The following S100A14 variants were observed in gnomAD, a reference collection of about 807,000 sequenced individuals.
The protein encoded by S100A14 is S100 calcium binding protein A14, also known as protein S100-A14.
A neutral mutation model predicts 10.6 loss-of-function variants in S100A14; 6 were observed. The ratio of observed to expected loss-of-function variants is 0.57; its 90% CI spans 0.31 to 1.12. The LOEUF is 1.12. Among genes scored for constraint, S100A14 ranks in the 50% most tolerant of loss-of-function variants. The probability of loss-of-function intolerance (pLI) is 0.06; values close to 1 mark genes in which losing one functional copy is unlikely to be tolerated. For synonymous variants in S100A14, 51 were observed against 51.0 expected, an observed-to-expected ratio of 1.00 and a Z score of 0.00; for missense variants, 121 against 128.7, an observed-to-expected ratio of 0.94 and a Z score of 0.29.
chr1:153,615,752 G>C, intron 2 of S100A14, 77 bp downstream of exon 2: 1 of 1,497,140 alleles, frequency 6.7e-7, no homozygotes, highest in Non-Finnish European at 9.3e-7. Context: ...AAGGGCAGAA[G>C]TCAGTGGGGG....
chr1:153,615,269 TC>T lies in S100A14; in HGVS notation c.142del (p.Asp48ThrfsTer40). 6.2e-7 allele frequency: 1 copy of T among 1,613,826 alleles called. No individual in the cohort carries two copies. The highest frequency in any genetic ancestry group is 8.5e-7 in the Non-Finnish European group (1 of 1,179,958). On this transcript the variant is annotated frameshift_variant, in exon 3 of 4. Coordinates refer to ENST00000344616, the MANE Select transcript of S100A14 (RefSeq NM_020672.3). LOFTEE classifies it high-confidence loss of function. ...KETLTPSELR[D>X]LVTQQLPHLM... ...ATGGGGCAGCTGCTGGGTGACCAGGTCCCGTAGCTCAGAAGGGGTCAGCGTC... is the reference window on the plus strand; with the variant it reads ...ATGGGGCAGCTGCTGGGTGACCAGGTCCGTAGCTCAGAAGGGGTCAGCGTC...
intron 2 of S100A14, 135 bp from the exon 3 acceptor site, chr1:153,615,516 G>A: frequency 9.4e-7 from 1 of 1,058,966 alleles, no homozygotes; most frequent in Non-Finnish European, 1.3e-6. Context: ...CCAGAGCCCA[G>A]AATCTAGCCC....
At chr1:153,615,535 C>G (rs1045543693) in intron 2 of S100A14, among the ~76,000 whole-genome samples, 154 bp from the exon 3 acceptor site, 7 of 152,098 alleles carry the variant, frequency 4.6e-5, no homozygotes, top group African/African-American at 1.4e-4. Context: ...CCCTCTCCCC[C>G]ACCCCCTGCT....
chr1:153,615,696 T>A, intron 2 of S100A14, 133 bp downstream of exon 2: 1 of 906,360 alleles, frequency 1.1e-6, no homozygotes, highest in Non-Finnish European at 1.8e-6. Context: ...AGAAGAGGGT[T>A]CACATCTCAC....
At chr1:153,615,046 GCTCA>G in intron 3 of S100A14, 24 bp from the exon 4 acceptor site, 3 of 1,611,906 alleles carry the variant, frequency 1.9e-6, no homozygotes, top group Non-Finnish European at 2.5e-6. Flanking sequence ...AGAAACCATG[GCTCA>G]GGGATGCAGC....
chr1:153,616,040 G>C (rs1666957561), intron 1 of S100A14, 104 bp from the exon 2 acceptor site: 2 of 595,042 alleles, frequency 3.4e-6, no homozygotes, highest in Non-Finnish European at 6.0e-6. Flanking sequence ...CTCACCAGGG[G>C]TTCAAAACCA....
intron 1 of S100A14, 144 bp downstream of exon 1, chr1:153,616,151 A>T: frequency 2.9e-6 from 1 of 347,906 alleles, no homozygotes. Flanking sequence ...ACCTTAGCTT[A>T]ATTCTTTCCA....
Position 153,615,834 on chromosome 1 carries a change from C to A in S100A14, c.25G>T (p.Ala9Ser). Residue 9 changes from alanine to serine, a missense_variant, in exon 2 of 4, where the codon GCA (alanine) becomes TCA (serine). By Grantham distance (99) the Ala-to-Ser change is moderately conservative. Coordinates refer to ENST00000344616, the MANE Select transcript of S100A14 (RefSeq NM_020672.3). ...CCAGGAGTGAATGAGCCCACCTCTG[C>A]GTTGGCTGACCGACACTGTCCCATG... MGQCRSANAEDAQEFSDVE... is the reference protein window; with the variant it reads MGQCRSANSEDAQEFSDVE... The A allele has an allele frequency of 6.2e-7, 1 of 1,613,996 alleles. No individual in the cohort carries two copies. Among genetic ancestry groups the A allele is most frequent in the Admixed American group, 1.7e-5 (1 of 60,010 alleles).
Position 153,614,902 on chromosome 1 carries a change from G to A in S100A14, c.298C>T (p.Pro100Ser), listed in dbSNP as rs1200055659. 6.2e-7 allele frequency: 1 copy of A among 1,613,664 alleles called. No individual in the cohort carries two copies. Among genetic ancestry groups the A allele is most frequent in the Non-Finnish European group, 8.5e-7 (1 of 1,179,908 alleles). ...GGGAGTTCTCAGTGCCCCCGGACAG[G>A]CCTCTCCAGCTTCACACTCTTGGCC... Reference protein sequence around the residue: ...EAAKSVKLERPVRGH With the variant: ...EAAKSVKLERSVRGH The change falls in exon 4 of 4, where the codon CCT becomes TCT. Residue 100 changes from proline to serine, a missense_variant. Pro to Ser is a moderately conservative substitution (Grantham distance 74, BLOSUM62 -1). Transcript: ENST00000344616.
In S100A14 at chr1:153,615,847, A is replaced by G. The variant is rs1666952622; in HGVS notation, c.12T>C (p.Cys4=). 1 of 1,613,940 alleles carries G rather than the reference A, an allele frequency of 6.2e-7. No individual in the cohort carries two copies. The highest frequency in any genetic ancestry group is 8.5e-7 in the Non-Finnish European group (1 of 1,179,908). The change falls in exon 2 of 4, where the codon TGT becomes TGC. Residue 4 remains cysteine, a synonymous_variant. Coordinates refer to ENST00000344616, the MANE Select transcript of S100A14 (RefSeq NM_020672.3). MGQ[C]RSANAEDAQE... ...AGCCCACCTCTGCGTTGGCTGACCG[A>G]CACTGTCCCATGGTGCCCACTGTGT...
In S100A14 at chr1:153,615,951, G is replaced by T; in HGVS notation, c.-78-15C>A. 7.8e-7 allele frequency: 1 copy of T among 1,276,636 alleles called. No individual in the cohort carries two copies. The highest frequency in any genetic ancestry group is 2.4e-5 in the East Asian group (1 of 42,496). The allele number at this position is 1,276,636 out of a possible 1,614,324, so 79.1% of individuals were successfully genotyped here. ...TGGCTCATGATCTGCTTAGAGGAGG[G>T]GGTAGGCCTGAGCTGAGGAGAGAGT... is the stretch of plus-strand genomic sequence containing the variant. On this transcript the variant is annotated splice_polypyrimidine_tract_variant and intron_variant, in intron 1 of 3. Coordinates refer to ENST00000344616, the MANE Select transcript of S100A14 (RefSeq NM_020672.3).
rs1358317354 is a variant in S100A14, at chr1:153,614,601, T to TC, written c.*283dup. On this transcript the variant is annotated 3_prime_UTR_variant, in exon 4 of 4. Coordinates refer to ENST00000344616, the MANE Select transcript of S100A14 (RefSeq NM_020672.3). ...CCCATAGCCCAGCTCCTCTCTGTTC[T>TC]CCCCCTACTACCAATTCTTTGGCTC... is the stretch of plus-strand genomic sequence containing the variant. The TC allele has an allele frequency of 5.6e-6, 2 of 357,724 alleles. No individual in the cohort carries two copies. The highest frequency in any genetic ancestry group is 4.1e-5 in the African/African-American group (2 of 48,456). The allele number at this position is 357,724 out of a possible 1,614,324, so 22.2% of individuals were successfully genotyped here.
chr1:153,615,478 G>T, intron 2 of S100A14, 97 bp from the exon 3 acceptor site: 1 of 1,412,112 alleles, frequency 7.1e-7, no homozygotes, highest in Non-Finnish European at 9.6e-7. Context: ...GCAGAAGGCA[G>T]CTGGAAGGCA....
intron 2 of S100A14, 112 bp from the exon 3 acceptor site, chr1:153,615,493 G>A: frequency 8.0e-7 from 1 of 1,247,932 alleles, no homozygotes; most frequent in Non-Finnish European, 1.1e-6. Flanking sequence ...AAGGCACACA[G>A]CTCCCACCCA....
Position 153,614,936 on chromosome 1 carries a change from A to G in S100A14, c.264T>C (p.Ile88=). 2 of 1,613,928 alleles carry G rather than the reference A, an allele frequency of 1.2e-6. No individual in the cohort carries two copies. Among genetic ancestry groups the G allele is most frequent in the Non-Finnish European group, 1.7e-6 (2 of 1,179,962 alleles). Residue 88 remains isoleucine (I), a synonymous_variant, in exon 4 of 4, where the codon ATT becomes ATC. Transcript: ENST00000344616. ...GCTTCACACTCTTGGCCGCTTCTCCAATCAGCTCCCAGAAACTCCTGAACT... is the reference window on the plus strand; with the variant it reads ...GCTTCACACTCTTGGCCGCTTCTCCGATCAGCTCCCAGAAACTCCTGAACT... ...KLEFRSFWEL[I]GEAAKSVKLE...
Position 153,614,757 on chromosome 1 carries a change from G to A in S100A14, c.*128C>T. ...ACAGAGTGCACAGAGACCTGGGGAA[G>A]GAAGCTGAACTTTGCAGAGATGAGG... On this transcript the variant is annotated 3_prime_UTR_variant, in exon 4 of 4. Coordinates refer to ENST00000344616, the MANE Select transcript of S100A14 (RefSeq NM_020672.3). The A allele has an allele frequency of 6.8e-6, 8 of 1,169,202 alleles. No individual in the cohort carries two copies. The highest frequency in any genetic ancestry group is 1.5e-5 in the African/African-American group (1 of 64,616). The allele number at this position is 1,169,202 out of a possible 1,614,324, so 72.4% of individuals were successfully genotyped here. A position where few individuals can be genotyped will look rare whatever the true frequency, so the allele number is the denominator to read the frequency against.
chr1:153,615,438 C>T, intron 2 of S100A14, 57 bp from the exon 3 acceptor site: 2 of 1,579,944 alleles, frequency 1.3e-6, no homozygotes, highest in South Asian at 1.2e-5. Flanking sequence ...CAAAACCCTG[C>T]TTCTCCAGGA....
rs1369609982 is a variant in S100A14, at chr1:153,614,665, C to A, written c.*220G>T. ...ATCCCTCAAATATTCATCCCTGGCCCAACCAGTCCCCTGAGCCTCCCTCTG... is the reference window on the plus strand; with the variant it reads ...ATCCCTCAAATATTCATCCCTGGCCAAACCAGTCCCCTGAGCCTCCCTCTG... On this transcript the variant is annotated 3_prime_UTR_variant, in exon 4 of 4. Coordinates refer to ENST00000344616, the MANE Select transcript of S100A14 (RefSeq NM_020672.3). The A allele has an allele frequency of 1.4e-5, 7 of 515,078 alleles. No homozygotes were observed. The highest frequency in any genetic ancestry group is 2.0e-5 in the Non-Finnish European group (6 of 297,440). 31.9% of individuals were successfully genotyped at this position (515,078 alleles called of 1,614,324 possible). A position where few individuals can be genotyped will look rare whatever the true frequency, so the allele number is the denominator to read the frequency against.
At position 153,614,825 on chromosome 1, in the gene S100A14, G is replaced by A; in HGVS notation, c.*60C>T. ...TACAGGGTGGTGGTAGAGGAGACAA[G>A]TTTTATCTCCAGGCCCACAGTCTCT... On this transcript the variant is annotated 3_prime_UTR_variant, in exon 4 of 4. Coordinates refer to ENST00000344616, the MANE Select transcript of S100A14 (RefSeq NM_020672.3). The A allele has an allele frequency of 1.9e-6, 3 of 1,580,934 alleles. No individual in the cohort carries two copies. The highest frequency in any genetic ancestry group is 1.3e-5 in the African/African-American group (1 of 74,156).
Sources: gnomAD v4.1 joint callset for allele counts (sites outside exome capture counted in the v4.1 genomes callset) on GRCh38, gnomAD v4.1.1 for gene constraint, MANE v1.5 for transcripts, NCBI Gene and HGNC (gene_info 2026-07-23, HGNC 2026-07-21) for gene names.